The following HUWE1 variants were observed in gnomAD, a reference collection of about 807,000 sequenced individuals.
HUWE1 encodes the protein E3 ubiquitin-protein ligase HUWE1.
Under a neutral mutation model 299.4 loss-of-function variants are expected in HUWE1, and 18 were observed. The observed-to-expected ratio is 0.06, with a 90% confidence interval of 0.04 to 0.09. The LOEUF is 0.09. Ranked by LOEUF, HUWE1 falls within the 10% of genes least tolerant of loss-of-function variation. HUWE1 has a pLI of 1.00. For synonymous variants in HUWE1, 1,317 were observed against 1,286.1 expected, an observed-to-expected ratio of 1.02 and a Z score of -0.51; for missense variants, 1,832 against 3,462.3, an observed-to-expected ratio of 0.53 and a Z score of 11.82.
intron 3 of HUWE1, among the ~76,000 whole-genome samples, chrX:53,672,316 G>A (rs2069592268): frequency 9.7e-6 from 1 of 103,419 alleles, no homozygotes; most frequent in Admixed American, 1.0e-4. Flanking sequence ...AGGCTGGAAT[G>A]CAGTGGCGTG....
At position 53,545,100 on chromosome X, in the gene HUWE1, T is replaced by C. The variant is rs1215866600; in HGVS notation, c.10977A>G (p.Glu3659=). The C allele has an allele frequency of 8.3e-7, 1 of 1,207,991 alleles. No homozygotes were observed. The highest frequency in any genetic ancestry group is 1.1e-6 in the Non-Finnish European group (1 of 894,360). ...NLEQQRRAQC[E]TLSPDGLPEE... is the part of the protein sequence containing the mutation. ...CAGGCAGGCCATCAGGAGAGAGGGTTTCACATTGGGCTCGCCGCTGCTGCT... is the reference window on the plus strand; with the variant it reads ...CAGGCAGGCCATCAGGAGAGAGGGTCTCACATTGGGCTCGCCGCTGCTGCT... The change falls in exon 71 of 84, where the codon GAA becomes GAG. Residue 3659 remains glutamate, a synonymous_variant. Transcript: ENST00000262854.
At chrX:53,557,907 A>T (rs2062103428) in intron 59 of HUWE1, among the ~76,000 whole-genome samples, 1 of 111,785 alleles carries the variant, frequency 8.9e-6, no homozygotes, top group African/African-American at 3.3e-5. Context: ...TGTTATTTTA[A>T]CTGAACACTT....
chrX:53,633,490 C>T (rs2067005940), intron 8 of HUWE1, among the ~76,000 whole-genome samples: 1 of 111,772 alleles, frequency 8.9e-6, no homozygotes, highest in African/African-American at 3.3e-5. Context: ...GAAAAGTATG[C>T]CAGCTAACGT....
chrX:53,544,772 G>A lies in HUWE1; in HGVS notation c.11049-10C>T. ...CTCAGCCATGTCAAACCTGGATAGTGTAGAGGTGGCTTGCGTATATTGACA... is the reference window on the plus strand; with the variant it reads ...CTCAGCCATGTCAAACCTGGATAGTATAGAGGTGGCTTGCGTATATTGACA... On this transcript the variant is annotated splice_polypyrimidine_tract_variant and intron_variant, in intron 71 of 83. Transcript: ENST00000262854. 1.0e-5 allele frequency: 12 copies of A among 1,178,893 alleles called. No individual in the cohort carries two copies. Among genetic ancestry groups the A allele is most frequent in the Non-Finnish European group, 1.3e-5 (11 of 870,655 alleles).
At chrX:53,569,899 TAC>T (rs782392368) in intron 47 of HUWE1, 72 bp from the exon 48 acceptor site, 6 of 860,851 alleles carry the variant, frequency 7.0e-6, no homozygotes, top group Admixed American at 2.5e-5. Flanking sequence ...GGACCAAAGA[TAC>T]ACACACACAT....
At chrX:53,616,856 T>C (rs183500439) in intron 21 of HUWE1, 114 bp downstream of exon 21, 1 of 565,940 alleles carries the variant, frequency 1.8e-6, no homozygotes, top group Non-Finnish European at 2.9e-6. Context: ...ATGATGATAA[T>C]TCCCATTAAA....
At position 53,592,686 on chromosome X, in the gene HUWE1, G is replaced by A. The variant is rs2064227191; in HGVS notation, c.3742-58C>T. 9.1e-6 allele frequency: 8 copies of A among 879,400 alleles called. No individual in the cohort carries two copies. The Middle Eastern group carries it at 8.1e-4, about 89-fold the overall frequency. 72.5% of individuals were successfully genotyped at this position (879,400 alleles called of 1,213,427 possible). A position where few individuals can be genotyped will look rare whatever the true frequency, so the allele number is the denominator to read the frequency against. Reference sequence around the variant, plus strand: ...TTTTGCTTCAATTCAAAGCTCAGAAGGATTAAGTTAAAGACCTATGGAACA... The same window carrying A: ...TTTTGCTTCAATTCAAAGCTCAGAAAGATTAAGTTAAAGACCTATGGAACA... On this transcript the variant is annotated intron_variant, in intron 32 of 83. Transcript: ENST00000262854.
At chrX:53,609,145 T>C (rs1265747699) in intron 23 of HUWE1, among the ~76,000 whole-genome samples, 2 of 111,381 alleles carry the variant, frequency 1.8e-5, no homozygotes, top group African/African-American at 6.5e-5. Context: ...TAGACTCATA[T>C]ACCGCAGGAA....
intron 30 of HUWE1, 60 bp from the exon 31 acceptor site, chrX:53,594,681 G>T: frequency 1.8e-6 from 2 of 1,138,710 alleles, no homozygotes; most frequent in South Asian, 3.7e-5. Context: ...AGAAGCAATA[G>T]GAAATTCATG....
intron 55 of HUWE1, 32 bp from the exon 56 acceptor site, chrX:53,560,448 C>T (rs1556939993): frequency 8.7e-7 from 1 of 1,151,272 alleles, no homozygotes; most frequent in Non-Finnish European, 1.2e-6. Flanking sequence ...GGGTCAGTGT[C>T]AAAAAGAAAT....
intron 13 of HUWE1, 76 bp from the exon 14 acceptor site, chrX:53,628,978 C>A (rs1365188499): frequency 2.7e-5 from 24 of 883,721 alleles, no homozygotes; most frequent in Non-Finnish European, 3.7e-5. Flanking sequence ...TTGCTAATAT[C>A]CAAACTTTAA....
At chrX:53,609,108 C>T (rs782562957) in intron 23 of HUWE1, among the ~76,000 whole-genome samples, 199 bp from the exon 24 acceptor site, 26 of 111,444 alleles carry the variant, frequency 2.3e-4, no homozygotes, top group African/African-American at 6.9e-4. Flanking sequence ...CTTTGCTTCC[C>T]AGGCTTATGG....
At chrX:53,573,685 A>G (rs189348867) in intron 47 of HUWE1, 65 bp downstream of exon 47, 1 of 944,024 alleles carries the variant, frequency 1.1e-6, no homozygotes, top group South Asian at 2.0e-5. Flanking sequence ...GCAGTGTCTG[A>G]CACAGGCGGT....
intron 3 of HUWE1, among the ~76,000 whole-genome samples, chrX:53,674,033 G>C (rs1182453690): frequency 9.0e-6 from 1 of 110,981 alleles, no homozygotes; most frequent in Non-Finnish European, 1.9e-5. Flanking sequence ...AGTATTATAA[G>C]GCCAGACTCT....
chrX:53,655,383 G>A (rs1453015327), intron 3 of HUWE1, among the ~76,000 whole-genome samples: 4 of 111,680 alleles, frequency 3.6e-5, no homozygotes, highest in Non-Finnish European at 7.5e-5. Flanking sequence ...CAATCAGCAG[G>A]CATTCAAGGA....
At chrX:53,637,009 T>C (rs781832725) in intron 7 of HUWE1, among the ~76,000 whole-genome samples, 36 of 112,525 alleles carry the variant, frequency 3.2e-4, no homozygotes, top group Non-Finnish European at 4.1e-4. Context: ...AGTTATACTT[T>C]CTTTCAATGC....
At chrX:53,673,162 C>T (rs1336853279) in intron 3 of HUWE1, among the ~76,000 whole-genome samples, 1 of 111,584 alleles carries the variant, frequency 9.0e-6, no homozygotes, top group African/African-American at 3.3e-5. Flanking sequence ...GCCACCACAT[C>T]GGTTTTGAAC....
chrX:53,575,592 C>A, intron 45 of HUWE1, 51 bp downstream of exon 45: 2 of 1,135,612 alleles, frequency 1.8e-6, no homozygotes, highest in Non-Finnish European at 2.4e-6. Flanking sequence ...TGAGACCACA[C>A]AGGCATTGAA....
chrX:53,603,140 C>A (rs782734554), intron 27 of HUWE1, among the ~76,000 whole-genome samples: 9 of 111,717 alleles, frequency 8.1e-5, no homozygotes, highest in African/African-American at 2.9e-4. Flanking sequence ...CGTGAGCCAC[C>A]GTGTCCAGCC....
Sources: allele counts gnomAD v4.1 joint callset (sites outside exome capture counted in the v4.1 genomes callset), GRCh38; gene constraint gnomAD v4.1.1; transcripts MANE v1.5; gene names NCBI Gene and HGNC (gene_info 2026-07-23, HGNC 2026-07-21).